Variants in CDH13 observed in about 807,000 individuals in gnomAD.
CDH13 encodes cadherin 13.
A neutral mutation model predicts 63.8 loss-of-function variants in CDH13; 24 were observed. That is an observed-to-expected ratio of 0.38 (90% CI 0.27 to 0.53). The LOEUF is 0.53. Among genes scored for constraint, CDH13 ranks in the 20% least tolerant of loss-of-function variants. CDH13 has a pLI of 0.85. For missense variants in CDH13, 1,049 were observed against 903.1 expected, an observed-to-expected ratio of 1.16 and a Z score of -2.07; for synonymous variants, 503 against 355.3, an observed-to-expected ratio of 1.42 and a Z score of -4.67.
intron 8 of CDH13, among the ~76,000 whole-genome samples, chr16:83,627,331 C>A (rs1240634160): frequency 6.6e-6 from 1 of 152,054 alleles, no homozygotes; most frequent in Non-Finnish European, 1.5e-5. Context: ...GACCTAATAC[C>A]CCACTTCTAG....
chr16:82,738,236 T>C (rs558188429), intron 1 of CDH13, among the ~76,000 whole-genome samples: 1 of 152,322 alleles, frequency 6.6e-6, no homozygotes, highest in African/African-American at 2.4e-5. Flanking sequence ...AAAAAATCAG[T>C]CACTTCCATT....
At chr16:83,620,114 C>T (rs919082835) in intron 8 of CDH13, among the ~76,000 whole-genome samples, 6 of 150,818 alleles carry the variant, frequency 4.0e-5, no homozygotes, top group African/African-American at 1.2e-4. Context: ...GGAGGGGGGC[C>T]GGGCTCAGTG....
intron 2 of CDH13, among the ~76,000 whole-genome samples, chr16:83,026,310 G>T (rs1008613162): frequency 3.6e-4 from 55 of 152,216 alleles, no homozygotes; most frequent in Admixed American, 3.6e-3. Context: ...GAGGCAGAAT[G>T]AACAGATCAG....
intron 10 of CDH13, among the ~76,000 whole-genome samples, chr16:83,697,142 T>C (rs112658318): frequency 6.6e-6 from 1 of 152,138 alleles, no homozygotes; most frequent in Admixed American, 6.5e-5. Context: ...TAAAATGTAT[T>C]TGTCACCCCA....
intron 1 of CDH13, among the ~76,000 whole-genome samples, chr16:82,654,965 C>A (rs1489520992): frequency 1.3e-5 from 2 of 152,196 alleles, no homozygotes. Context: ...AGCAAATAAA[C>A]TGTGGAGCTG....
rs894003487 is a variant in CDH13 at position 82,835,465 on chromosome 16, G to A, written c.46-22897G>A. ...AAGCTGCAAATATTGTACCCACCCA[G>A]CAAATTTCCTGGGATGTGCTTCCTG... On this transcript the variant is annotated intron_variant, in intron 1 of 13. Transcript: ENST00000567109. Among the ~76,000 whole-genome samples, 4 of 152,194 alleles carry A rather than the reference G, an allele frequency of 2.6e-5. No individual in the cohort carries two copies. The East Asian group carries it at 7.7e-4, about 29-fold the overall frequency.
intron 2 of CDH13, among the ~76,000 whole-genome samples, chr16:83,007,397 G>T (rs1913643966): frequency 6.6e-6 from 1 of 152,126 alleles, no homozygotes; most frequent in Non-Finnish European, 1.5e-5. Flanking sequence ...GTTCAAAATG[G>T]CAGTTAGCTT....
At chr16:83,040,331 C>G (rs188854988) in intron 3 of CDH13, among the ~76,000 whole-genome samples, 150 of 152,272 alleles carry the variant, frequency 9.9e-4, no homozygotes, top group African/African-American at 3.2e-3. Context: ...CTCACATCAT[C>G]ACAAGGTAAA....
intron 4 of CDH13, among the ~76,000 whole-genome samples, chr16:83,210,898 C>T (rs1392887649): frequency 6.6e-6 from 1 of 151,068 alleles, no homozygotes; most frequent in South Asian, 2.1e-4. Context: ...GCTTCTAATC[C>T]GAGCACTTTG....
chr16:82,770,441 T>C (rs1177383984), intron 1 of CDH13, among the ~76,000 whole-genome samples: 1 of 152,256 alleles, frequency 6.6e-6, no homozygotes, highest in Non-Finnish European at 1.5e-5. Context: ...TCTTTTTCCT[T>C]TATGCATACA....
At chr16:83,324,531 C>A (rs1288810316) in intron 5 of CDH13, among the ~76,000 whole-genome samples, 2 of 152,196 alleles carry the variant, frequency 1.3e-5, no homozygotes, top group Non-Finnish European at 2.9e-5. Flanking sequence ...GCTTCGTTCA[C>A]TTAGCAAGAT....
intron 11 of CDH13, among the ~76,000 whole-genome samples, chr16:83,755,230 A>G (rs1913407872): frequency 6.6e-6 from 1 of 152,208 alleles, no homozygotes. Context: ...TTAACAGCAG[A>G]ACACAGGATT....
chr16:82,859,535 G>A (rs979745678), intron 2 of CDH13: 1 of 152,024 alleles, frequency 6.6e-6, no homozygotes, highest in African/African-American at 2.4e-5. Flanking sequence ...TCCAACCTGG[G>A]TGACAGAGCG....
chr16:82,933,424 C>T (rs1267460710), intron 2 of CDH13, among the ~76,000 whole-genome samples: 1 of 152,220 alleles, frequency 6.6e-6, no homozygotes, highest in South Asian at 2.1e-4. Flanking sequence ...AGGTCCCTCC[C>T]CCAACACGTG....
chr16:82,690,202 G>A (rs886879306), intron 1 of CDH13, among the ~76,000 whole-genome samples: 11 of 149,202 alleles, frequency 7.4e-5, no homozygotes, highest in Admixed American at 3.4e-4. Flanking sequence ...TCATGACCCC[G>A]GGTGGGTGGC....
intron 10 of CDH13, among the ~76,000 whole-genome samples, chr16:83,679,792 A>G (rs923713815): frequency 3.9e-5 from 6 of 152,202 alleles, no homozygotes; most frequent in Admixed American, 3.3e-4. Flanking sequence ...TTGTATTTCT[A>G]CAATTGGAGG....
intron 2 of CDH13, among the ~76,000 whole-genome samples, chr16:82,890,143 A>G (rs1244406835): frequency 6.6e-6 from 1 of 152,236 alleles, no homozygotes; most frequent in African/African-American, 2.4e-5. Flanking sequence ...TGCTAGCTGC[A>G]GTTGCTAGAG....
At chr16:83,408,574 G>T (rs1375228541) in intron 6 of CDH13, among the ~76,000 whole-genome samples, 2 of 152,062 alleles carry the variant, frequency 1.3e-5, no homozygotes, top group East Asian at 1.9e-4. Flanking sequence ...ATTTAAAATG[G>T]TATCCCTGTA....
chr16:83,043,525 G>GTGTA (rs910423791), intron 3 of CDH13, among the ~76,000 whole-genome samples: 6 of 148,710 alleles, frequency 4.0e-5, no homozygotes, highest in Non-Finnish European at 7.4e-5. Flanking sequence ...GTGTGTGTGT[G>GTGTA]TGTATGTATA....
Sources: gnomAD v4.1 joint callset for allele counts (sites outside exome capture counted in the v4.1 genomes callset) on GRCh38, gnomAD v4.1.1 for gene constraint, MANE v1.5 for transcripts, NCBI Gene and HGNC (gene_info 2026-07-23, HGNC 2026-07-21) for gene names.